WDR62: variants seen among roughly 807,000 people sequenced by gnomAD.
WDR62 encodes WD repeat-containing protein 62.
WDR62 carries 112 observed loss-of-function variants against 160.6 expected under a neutral mutation model. That is an observed-to-expected ratio of 0.70 (90% CI 0.60 to 0.82). The LOEUF is 0.82. Ranked by LOEUF, WDR62 falls within the 40% of genes least tolerant of loss-of-function variation. WDR62 has a pLI of 0.00. For missense variants in WDR62, 1,819 were observed against 1,983.8 expected, an observed-to-expected ratio of 0.92 and a Z score of 1.58; for synonymous variants, 792 against 815.1, an observed-to-expected ratio of 0.97 and a Z score of 0.48.
rs202118822 is a variant in WDR62 at position 36,100,707 on chromosome 19, G to C, written c.2740-41G>C. The C allele has an allele frequency of 1.8e-5, 29 of 1,612,066 alleles. No individual in the cohort carries two copies. The South Asian group carries it at 3.2e-4, about 18-fold the overall frequency. On this transcript the variant is annotated intron_variant, in intron 22 of 31. Coordinates refer to ENST00000401500, the MANE Select transcript of WDR62 (RefSeq NM_001083961.2). ...TCCTGGCGCACTGTTGGTGGCCCCA[G>C]CCATGCCTGCCTCAGAATGGCTGTG...
intron 9 of WDR62, among the ~76,000 whole-genome samples, chr19:36,079,988 C>G (rs1405587589): frequency 1.3e-5 from 2 of 152,166 alleles, no homozygotes; most frequent in Non-Finnish European, 2.9e-5. Context: ...TTTGAAATCT[C>G]TTTATATGGT....
At chr19:36,075,926 T>TA (rs1169735002) in intron 9 of WDR62, 2 of 152,316 alleles carry the variant, frequency 1.3e-5, no homozygotes, top group Non-Finnish European at 2.9e-5. Context: ...GCAGGAGAAA[T>TA]ACTTGATTCT....
intron 29 of WDR62, 63 bp from the exon 30 acceptor site, chr19:36,103,280 G>A: frequency 6.2e-7 from 1 of 1,612,062 alleles, no homozygotes; most frequent in Non-Finnish European, 8.5e-7. Flanking sequence ...CTAGCTGTGG[G>A]GCGTGGGGGC....
chr19:36,103,315 G>T, intron 29 of WDR62, 28 bp from the exon 30 acceptor site: 1 of 1,613,214 alleles, frequency 6.2e-7, no homozygotes, highest in African/African-American at 1.3e-5. Context: ...CTGTGTGGTG[G>T]AGTCAGTGCC....
intron 9 of WDR62, among the ~76,000 whole-genome samples, chr19:36,077,363 C>T (rs1971634774): frequency 6.8e-6 from 1 of 146,576 alleles, no homozygotes; most frequent in Non-Finnish European, 1.5e-5. Flanking sequence ...TCACTGCAAG[C>T]TCCGCCTCCC....
chr19:36,061,418 A>G (rs919078442), intron 3 of WDR62: 2 of 152,154 alleles, frequency 1.3e-5, no homozygotes, highest in South Asian at 4.1e-4. Context: ...TGCCCAATAT[A>G]GTATGTTTTA....
intron 7 of WDR62, among the ~76,000 whole-genome samples, chr19:36,069,037 C>G (rs1054298438): frequency 4.6e-5 from 7 of 151,732 alleles, no homozygotes; most frequent in South Asian, 2.1e-4. Context: ...GGCTGACCCC[C>G]ACCTCCCTCC....
At chr19:36,070,713 A>G (rs181260774) in intron 7 of WDR62, 4 of 152,190 alleles carry the variant, frequency 2.6e-5, no homozygotes, top group African/African-American at 9.6e-5. Flanking sequence ...AAAAGCTTTC[A>G]ATAGATAGAT....
downstream of WDR62, among the ~76,000 whole-genome samples, chr19:36,109,246 C>G (rs1432337448): frequency 6.6e-6 from 1 of 152,192 alleles, no homozygotes; most frequent in African/African-American, 2.4e-5. Flanking sequence ...CAGCGCTTAT[C>G]CAGGAAGCCA....
chr19:36,092,385 G>A (rs1238354460), intron 18 of WDR62, among the ~76,000 whole-genome samples: 1 of 151,980 alleles, frequency 6.6e-6, no homozygotes, highest in Non-Finnish European at 1.5e-5. Flanking sequence ...CACATGGGTG[G>A]TACTCAAGGA....
intron 3 of WDR62, among the ~76,000 whole-genome samples, chr19:36,063,027 A>T (rs1366888013): frequency 6.6e-6 from 1 of 151,042 alleles, no homozygotes; most frequent in Non-Finnish European, 1.5e-5. Flanking sequence ...GCTCACTGCA[A>T]CCTGACTCCC....
rs373948489 is a variant in WDR62 at position 36,100,898 on chromosome 19, G to A, written c.2867+23G>A. On this transcript the variant is annotated intron_variant, in intron 23 of 31. Coordinates refer to ENST00000401500, the MANE Select transcript of WDR62 (RefSeq NM_001083961.2). ...CAGGTGGGTGTCCTTTCCACCAAGG[G>A]AGCCTTAGTTGGAGGAACCCCCAGC... 26 of 1,613,954 alleles carry A rather than the reference G, an allele frequency of 1.6e-5. No homozygotes were observed. In the South Asian group the frequency reaches 2.6e-4, roughly 16 times the overall value.
chr19:36,101,414 C>CA (rs895098429), intron 24 of WDR62, 97 bp downstream of exon 24: 7 of 1,141,948 alleles, frequency 6.1e-6, no homozygotes, highest in African/African-American at 4.6e-5. Context: ...TACTGAAGCT[C>CA]AGAGTCTGTC....
chr19:36,055,898 G>A (rs1970339230), intron 1 of WDR62, among the ~76,000 whole-genome samples: 1 of 152,210 alleles, frequency 6.6e-6, no homozygotes, highest in Non-Finnish European at 1.5e-5. Flanking sequence ...GTAGGGCGCG[G>A]TAGCTCACGT....
chr19:36,090,772 G>A (rs1409508448), intron 16 of WDR62, among the ~76,000 whole-genome samples: 1 of 152,200 alleles, frequency 6.6e-6, no homozygotes, highest in African/African-American at 2.4e-5. Flanking sequence ...GCAGGGTATG[G>A]TGGGAAGAAT....
downstream of WDR62, among the ~76,000 whole-genome samples, chr19:36,107,604 C>G (rs1973738899): frequency 1.3e-5 from 2 of 151,918 alleles, no homozygotes; most frequent in African/African-American, 4.8e-5. Flanking sequence ...CTGGGAGACT[C>G]ATCTGGGGTC....
rs778364131 is a variant in WDR62, at chr19:36,104,775, C to T, written c.4319C>T (p.Ser1440Phe). Residue 1440 changes from serine to phenylalanine, a missense_variant, in exon 32 of 32, where the codon TCC becomes TTC. Around this residue, in one of 3 missense-constraint regions of WDR62, gnomAD observed 770 missense variants for 734.2 expected, o/e 1.05. Transcript: ENST00000401500. The stretch of plus-strand genomic sequence containing the variant: ...GGCTGGCATCCCTTGCAGTTGGTCT[C>T]CAGTGGCCAGGTGGACACCGGGCAG... Reference protein sequence around the residue: ...EALDLYRVLVSSGQVDTGQQQ... With the variant: ...EALDLYRVLVFSGQVDTGQQQ... 1 of 1,613,704 alleles carries T rather than the reference C, an allele frequency of 6.2e-7. No homozygotes were observed. Among genetic ancestry groups the T allele is most frequent in the African/African-American group, 1.3e-5 (1 of 75,054 alleles).
intron 18 of WDR62, among the ~76,000 whole-genome samples, chr19:36,092,455 G>C (rs1972678574): frequency 6.6e-6 from 1 of 152,180 alleles, no homozygotes; most frequent in African/African-American, 2.4e-5. Context: ...CCCTTCCTCA[G>C]GTCTTGAGGC....
chr19:36,078,887 A>G (rs973283745), intron 9 of WDR62, among the ~76,000 whole-genome samples: 5 of 149,202 alleles, frequency 3.4e-5, no homozygotes, highest in Non-Finnish European at 1.5e-5. Context: ...TTTTGTGAAA[A>G]TATGTTTCTG....
Sources: allele counts gnomAD v4.1 joint callset (sites outside exome capture counted in the v4.1 genomes callset), GRCh38; gene constraint gnomAD v4.1.1; regional missense constraint gnomAD v4.1.1; transcripts MANE v1.5; gene names NCBI Gene and HGNC (gene_info 2026-07-23, HGNC 2026-07-21).